VSTM4: variants seen among roughly 807,000 people sequenced by gnomAD.
The protein encoded by VSTM4 is V-set and transmembrane domain containing 4.
Under a neutral mutation model 36.4 loss-of-function variants are expected in VSTM4, and 20 were observed. That is an observed-to-expected ratio of 0.55 (90% CI 0.39 to 0.80). The LOEUF is 0.80. Ranked by LOEUF, VSTM4 falls within the 30% of genes least tolerant of loss-of-function variation. The pLI is 0.00. For synonymous variants in VSTM4, 182 were observed against 173.9 expected (o/e 1.05, Z -0.37); for missense variants, 392 against 404.5 (o/e 0.97, Z 0.26).
chr10:49,090,637 C>T (rs1844456098), intron 2 of VSTM4, among the ~76,000 whole-genome samples: 2 of 152,210 alleles, frequency 1.3e-5, no homozygotes, highest in Admixed American at 1.3e-4. Context: ...TCCCTCACCC[C>T]TGGTGGACAA....
intron 6 of VSTM4, among the ~76,000 whole-genome samples, 177 bp downstream of exon 6, chr10:49,048,301 G>T (rs1302750535): frequency 6.6e-6 from 1 of 152,214 alleles, no homozygotes; most frequent in African/African-American, 2.4e-5. Flanking sequence ...CGGCTGAGGT[G>T]GTTGAGCACC....
At chr10:49,083,315 T>C (rs912257806) in intron 3 of VSTM4, among the ~76,000 whole-genome samples, 1 of 152,192 alleles carries the variant, frequency 6.6e-6, no homozygotes, top group African/African-American at 2.4e-5. Flanking sequence ...AATCAATGCC[T>C]CTTTTGTGCA....
At chr10:49,057,151 C>T (rs1843794873) in intron 5 of VSTM4, among the ~76,000 whole-genome samples, 2 of 152,074 alleles carry the variant, frequency 1.3e-5, no homozygotes, top group South Asian at 4.2e-4. Flanking sequence ...ACACGTCCCA[C>T]CAAGACTACC....
At chr10:49,045,321 T>G (rs1843591326) in intron 7 of VSTM4, among the ~76,000 whole-genome samples, 1 of 152,090 alleles carries the variant, frequency 6.6e-6, no homozygotes, top group Non-Finnish European at 1.5e-5. Flanking sequence ...GGATCCATAC[T>G]GATATCAAGG....
chr10:49,040,893 G>T lies in VSTM4; in HGVS notation c.837+6090C>A, dbSNP rs886883045. ...ATTGGTTTCTAGACAGAGGGGCTGG[G>T]GAGCTCTGTGGCCTAGGATCACAGC... On this transcript the variant is annotated intron_variant, in intron 7 of 7. Transcript: ENST00000332853. 1.7e-4 allele frequency among the ~76,000 whole-genome samples: 26 copies of T among 152,156 alleles called. 1 individual carries two copies. The highest frequency in any genetic ancestry group is 1.6e-3 in the Admixed American group (24 of 15,282).
At chr10:49,105,360 AAGAGACAGAGAGAGAG>A (rs1229655839) in intron 2 of VSTM4, among the ~76,000 whole-genome samples, 1 of 143,672 alleles carries the variant, frequency 7.0e-6, no homozygotes, top group African/African-American at 2.6e-5. Context: ...GAGATATACC[AAGAGACAGAGAGAGAG>A]AGAGACAGAA....
chr10:49,035,584 A>G (rs1843415571), intron 7 of VSTM4, among the ~76,000 whole-genome samples: 1 of 146,472 alleles, frequency 6.8e-6, no homozygotes, highest in Non-Finnish European at 1.5e-5. Context: ...CTGTAATCCT[A>G]GCACTTTGGG....
In VSTM4 at chr10:49,048,055, A is replaced by G. The variant is rs554405191; in HGVS notation, c.775+423T>C. On this transcript the variant is annotated intron_variant, in intron 6 of 7. Coordinates refer to ENST00000332853, the MANE Select transcript of VSTM4 (RefSeq NM_001031746.5). The stretch of plus-strand genomic sequence containing the variant: ...TTTATACCCAGAGCAACTGTGAAAT[A>G]AATTTCACACCTGGTTGACATCTTT... 5.3e-5 allele frequency among the ~76,000 whole-genome samples: 8 copies of G among 152,334 alleles called. No individual in the cohort carries two copies. The South Asian group carries it at 1.7e-3, about 32-fold the overall frequency.
intron 2 of VSTM4, among the ~76,000 whole-genome samples, chr10:49,090,146 G>T (rs17011799): frequency 0.17 from 25,258 of 152,216 alleles, 2,363 homozygotes; most frequent in Non-Finnish European, 0.21. Context: ...AAAGACTTGT[G>T]GAAATAAAAT....
At chr10:49,062,433 T>G (rs1281947671) in intron 5 of VSTM4, among the ~76,000 whole-genome samples, 1 of 152,214 alleles carries the variant, frequency 6.6e-6, no homozygotes, top group African/African-American at 2.4e-5. Context: ...AGGACAGTTT[T>G]GCTGGATATA....
At chr10:49,077,583 T>C (rs1214614181) in intron 3 of VSTM4, among the ~76,000 whole-genome samples, 1 of 152,164 alleles carries the variant, frequency 6.6e-6, no homozygotes, top group Admixed American at 6.5e-5. Context: ...GTTTCTTCAA[T>C]CAATGGTGCT....
chr10:49,064,768 A>G lies in VSTM4; in HGVS notation c.635-32T>C, dbSNP rs2131978358. 4 of 1,603,566 alleles carry G rather than the reference A, an allele frequency of 2.5e-6. No individual in the cohort carries two copies. In the Admixed American group the frequency reaches 5.2e-5, roughly 21 times the overall value. On this transcript the variant is annotated intron_variant, in intron 4 of 7. Coordinates refer to ENST00000332853, the MANE Select transcript of VSTM4 (RefSeq NM_001031746.5). ...AAGGAAAAATAATAGAAGATGGTAA[A>G]CCAATGCTACTTCAGATATATATGC...
At chr10:49,106,503 C>G (rs532816034) in intron 2 of VSTM4, among the ~76,000 whole-genome samples, 2 of 152,352 alleles carry the variant, frequency 1.3e-5, no homozygotes, top group East Asian at 3.9e-4. Context: ...TGCAGAAATG[C>G]TGTCCATCCC....
At chr10:49,032,750 C>CTCTAGCAAG (rs1843365543) in intron 7 of VSTM4, among the ~76,000 whole-genome samples, 1 of 152,134 alleles carries the variant, frequency 6.6e-6, no homozygotes, top group Non-Finnish European at 1.5e-5. Flanking sequence ...GGTTCCACGA[C>CTCTAGCAAG]AACACTCTAG....
intron 5 of VSTM4, among the ~76,000 whole-genome samples, chr10:49,051,389 TC>T (rs1391829224): frequency 2.3e-5 from 3 of 130,520 alleles, no homozygotes; most frequent in African/African-American, 9.4e-5. Context: ...ACAGCTCATT[TC>T]TTTTTTTTTT....
At chr10:49,085,611 T>C (rs190009237) in intron 3 of VSTM4, among the ~76,000 whole-genome samples, 1 of 152,356 alleles carries the variant, frequency 6.6e-6, no homozygotes, top group Non-Finnish European at 1.5e-5. Context: ...GGGCTGATAC[T>C]GTCAGGGATT....
intron 7 of VSTM4, among the ~76,000 whole-genome samples, chr10:49,020,745 AAGGAAGGG>A (rs1428911692): frequency 1.5e-5 from 2 of 130,344 alleles, no homozygotes; most frequent in South Asian, 3.2e-4. Context: ...GGAAGGAAGG[AAGGAAGGG>A]AGGGAGGGAG....
At chr10:49,086,077 A>T in intron 2 of VSTM4, 54 bp from the exon 3 acceptor site, 1 of 1,158,460 alleles carries the variant, frequency 8.6e-7, no homozygotes, top group Non-Finnish European at 1.2e-6. Flanking sequence ...CACATGGTAC[A>T]CATGGCACTT....
chr10:49,082,011 AC>A, intron 3 of VSTM4, among the ~76,000 whole-genome samples: 1 of 150,354 alleles, frequency 6.7e-6, no homozygotes, highest in Non-Finnish European at 1.5e-5. Context: ...AAACATGAAA[AC>A]CCCCCTCCCT....
Sources: allele counts gnomAD v4.1 joint callset (sites outside exome capture counted in the v4.1 genomes callset), GRCh38; gene constraint gnomAD v4.1.1; transcripts MANE v1.5; gene names NCBI Gene and HGNC (gene_info 2026-07-23, HGNC 2026-07-21).